The following ZFYVE9 variants were observed in gnomAD, a reference collection of about 807,000 sequenced individuals.
ZFYVE9 encodes zinc finger FYVE-type containing 9.
ZFYVE9 carries 43 observed loss-of-function variants against 126.7 expected under a neutral mutation model. The observed-to-expected ratio is 0.34, with a 90% CI of 0.27 to 0.44. The LOEUF (loss-of-function observed/expected upper bound fraction) is 0.44, where lower values mean the gene tolerates loss of function less well. ZFYVE9 is among the 20% of genes least tolerant of loss of function. The pLI is 1.00. For missense variants in ZFYVE9, 1,476 were observed against 1,697.0 expected (o/e 0.87, Z 2.29); for synonymous variants, 521 against 597.4 (o/e 0.87, Z 1.87).
intron 2 of ZFYVE9, among the ~76,000 whole-genome samples, chr1:52,228,344 G>A (rs1185004447): frequency 6.6e-6 from 1 of 152,122 alleles, no homozygotes; most frequent in Non-Finnish European, 1.5e-5. Context: ...CTCCCAAAGT[G>A]CTAAACTCTT....
intron 1 of ZFYVE9, among the ~76,000 whole-genome samples, chr1:52,187,555 G>T (rs1212788686): frequency 6.6e-6 from 1 of 152,168 alleles, no homozygotes; most frequent in Non-Finnish European, 1.5e-5. Context: ...TGCAAACTAT[G>T]CATCTGACAA....
chr1:52,258,151 A>G (rs1645540878), intron 4 of ZFYVE9, among the ~76,000 whole-genome samples: 1 of 152,254 alleles, frequency 6.6e-6, no homozygotes, highest in African/African-American at 2.4e-5. Context: ...TTAGCTCATT[A>G]TTCCATGGAG....
In ZFYVE9 at chr1:52,169,362, T is replaced by A. The variant is rs563927206; in HGVS notation, c.-143+26959T>A. Among the ~76,000 whole-genome samples the A allele has an allele frequency of 3.0e-3, 454 of 152,300 alleles. 2 individuals are homozygous for A. Among genetic ancestry groups the A allele is most frequent in the South Asian group, 8.5e-3 (41 of 4,824 alleles). Reference sequence around the variant, plus strand: ...CTGCCATGAGCCATGATTGTGCCACTGCTCTCCAGCTTGGGTGACAGAGTG... The same window carrying A: ...CTGCCATGAGCCATGATTGTGCCACAGCTCTCCAGCTTGGGTGACAGAGTG... On this transcript the variant is annotated intron_variant, in intron 1 of 18. Coordinates refer to ENST00000287727, the MANE Select transcript of ZFYVE9 (RefSeq NM_004799.4).
chr1:52,177,700 A>G (rs1365842006), intron 1 of ZFYVE9, among the ~76,000 whole-genome samples: 1 of 152,224 alleles, frequency 6.6e-6, no homozygotes, highest in Non-Finnish European at 1.5e-5. Context: ...TTTGTTTAGT[A>G]TTGAAAAATT....
intron 11 of ZFYVE9, among the ~76,000 whole-genome samples, chr1:52,295,245 T>G (rs576690351): frequency 5.3e-5 from 8 of 151,232 alleles, no homozygotes; most frequent in African/African-American, 1.9e-4. Context: ...AAAAGTGAAC[T>G]CTTAAACTTA....
chr1:52,173,174 C>T (rs1023677503), intron 1 of ZFYVE9, among the ~76,000 whole-genome samples: 68 of 152,212 alleles, frequency 4.5e-4, no homozygotes, highest in African/African-American at 9.9e-4. Flanking sequence ...GAGATACGTC[C>T]CATCAATACC....
At chr1:52,286,885 ATTT>A (rs939725766) in intron 10 of ZFYVE9, among the ~76,000 whole-genome samples, 1 of 152,066 alleles carries the variant, frequency 6.6e-6, no homozygotes, top group Non-Finnish European at 1.5e-5. Context: ...TTATTGGTTC[ATTT>A]TGTGTATATT....
intron 13 of ZFYVE9, among the ~76,000 whole-genome samples, chr1:52,313,230 C>G (rs1412631801): frequency 6.6e-6 from 1 of 152,200 alleles, no homozygotes; most frequent in African/African-American, 2.4e-5. Flanking sequence ...TATAGCTGTG[C>G]AAGCATGCTA....
intron 1 of ZFYVE9, among the ~76,000 whole-genome samples, chr1:52,184,349 C>T (rs1644744351): frequency 1.3e-5 from 2 of 148,690 alleles, no homozygotes; most frequent in Admixed American, 6.7e-5. Context: ...ACCTCAGCCT[C>T]CCAAGTAGCT....
At chr1:52,170,984 C>T (rs1269210038) in intron 1 of ZFYVE9, among the ~76,000 whole-genome samples, 1 of 151,062 alleles carries the variant, frequency 6.6e-6, no homozygotes, top group Non-Finnish European at 1.5e-5. Flanking sequence ...TTCTATAGTG[C>T]AGATTAAGTC....
At chr1:52,242,703 T>G (rs1266536413) in intron 4 of ZFYVE9, among the ~76,000 whole-genome samples, 2 of 152,218 alleles carry the variant, frequency 1.3e-5, no homozygotes, top group Admixed American at 6.5e-5. Context: ...TAGTTTCTTA[T>G]GTACTGATGG....
At chr1:52,242,185 A>G (rs534090406) in intron 4 of ZFYVE9, among the ~76,000 whole-genome samples, 8 of 151,908 alleles carry the variant, frequency 5.3e-5, no homozygotes, top group Non-Finnish European at 1.2e-4. Context: ...GCATGCGCCA[A>G]CGGGCCTGGC....
intron 2 of ZFYVE9, among the ~76,000 whole-genome samples, chr1:52,226,450 C>T (rs1490018240): frequency 2.6e-5 from 4 of 152,076 alleles, no homozygotes; most frequent in South Asian, 4.2e-4. Context: ...GCAGGAGAAT[C>T]GCTTGAACCC....
intron 5 of ZFYVE9, chr1:52,264,136 G>T: frequency 4.5e-6 from 1 of 222,210 alleles, no homozygotes; most frequent in Non-Finnish European, 8.9e-6. Context: ...CTGGTGCGAG[G>T]TAGTTATTTG....
intron 2 of ZFYVE9, among the ~76,000 whole-genome samples, chr1:52,230,792 CT>C (rs1420909442): frequency 6.6e-6 from 1 of 152,160 alleles, no homozygotes; most frequent in Non-Finnish European, 1.5e-5. Context: ...AACTTCTGTA[CT>C]AGTTATTCTG....
rs556765737 is a variant in ZFYVE9, at chr1:52,216,088, T to A, written c.-142-281T>A. 3.3e-5 allele frequency among the ~76,000 whole-genome samples: 5 copies of A among 152,294 alleles called. No individual in the cohort carries two copies. In the East Asian group the frequency reaches 7.7e-4, roughly 24 times the overall value. On this transcript the variant is annotated intron_variant, in intron 1 of 18. Coordinates refer to ENST00000287727, the MANE Select transcript of ZFYVE9 (RefSeq NM_004799.4). ...AATTAACACAATTAAAGTCATTGGG[T>A]AGAAAGTGCCTGCTGTTGATGTTTC... is the stretch of plus-strand genomic sequence containing the variant.
intron 1 of ZFYVE9, chr1:52,180,464 A>G (rs1275491164): frequency 2.7e-6 from 3 of 1,103,138 alleles, no homozygotes; most frequent in East Asian, 4.7e-5. Flanking sequence ...ACCTGGAGGA[A>G]AACCCTAAGA....
chr1:52,281,859 CA>C (rs763052872), intron 10 of ZFYVE9, 43 bp downstream of exon 10: 9 of 1,603,234 alleles, frequency 5.6e-6, no homozygotes, highest in Middle Eastern at 1.7e-4. Flanking sequence ...TTGTAGATGA[CA>C]AAAAAATTTT....
intron 13 of ZFYVE9, among the ~76,000 whole-genome samples, chr1:52,309,623 C>T (rs1197628945): frequency 6.6e-6 from 1 of 152,162 alleles, no homozygotes; most frequent in Non-Finnish European, 1.5e-5. Context: ...GGGGTTAAAG[C>T]AGACTGATGG....
Sources: allele counts gnomAD v4.1 joint callset (sites outside exome capture counted in the v4.1 genomes callset), GRCh38; gene constraint gnomAD v4.1.1; transcripts MANE v1.5; gene names NCBI Gene and HGNC (gene_info 2026-07-23, HGNC 2026-07-21).